Variants in TJP1 observed in about 807,000 individuals in gnomAD.
TJP1 encodes the protein tight junction protein ZO-1.
Under a neutral mutation model 194.2 loss-of-function variants are expected in TJP1, and 43 were observed. The ratio of observed to expected loss-of-function variants is 0.22; its 90% CI spans 0.17 to 0.29. The LOEUF (loss-of-function observed/expected upper bound fraction) is 0.29. Ranked by LOEUF, TJP1 falls within the 10% of genes least tolerant of loss-of-function variation. TJP1 has a pLI of 1.00. For synonymous variants in TJP1, 801 were observed against 779.0 expected (o/e 1.03, Z -0.47); for missense variants, 1,971 against 2,185.7 (o/e 0.90, Z 1.96).
At chr15:29,741,568 C>T in intron 9 of TJP1, 132 bp from the exon 10 acceptor site, 2 of 606,928 alleles carry the variant, frequency 3.3e-6, no homozygotes, top group Non-Finnish European at 5.8e-6. Context: ...TATTAGAGTA[C>T]ATTTTATAGT....
chr15:29,886,329 C>T (rs2053113747), intron 2 of TJP1, among the ~76,000 whole-genome samples: 1 of 151,824 alleles, frequency 6.6e-6, no homozygotes, highest in South Asian at 2.1e-4. Flanking sequence ...TTTTCAGATT[C>T]AGGCCAATGT....
At chr15:29,944,496 T>C (rs1031524617) in intron 2 of TJP1, among the ~76,000 whole-genome samples, 1 of 152,180 alleles carries the variant, frequency 6.6e-6, no homozygotes, top group Non-Finnish European at 1.5e-5. Flanking sequence ...TGACCCTATG[T>C]TTATAAATAC....
intron 2 of TJP1, among the ~76,000 whole-genome samples, chr15:29,795,254 G>C (rs2048331345): frequency 6.6e-6 from 1 of 151,564 alleles, no homozygotes; most frequent in African/African-American, 2.4e-5. Context: ...TGAAACACCG[G>C]CTCTACTAAA....
At chr15:29,702,858 A>G (rs2041638849) in intron 27 of TJP1, among the ~76,000 whole-genome samples, 1 of 152,186 alleles carries the variant, frequency 6.6e-6, no homozygotes, top group African/African-American at 2.4e-5. Flanking sequence ...GTACCAAACT[A>G]AAACTAAATA....
intron 1 of TJP1, among the ~76,000 whole-genome samples, chr15:29,805,207 AAG>A (rs989429969): frequency 2.8e-4 from 42 of 152,194 alleles, no homozygotes; most frequent in African/African-American, 8.7e-4. Flanking sequence ...ACAATCTGCC[AAG>A]AGTTTGTTTA....
intron 24 of TJP1, among the ~76,000 whole-genome samples, chr15:29,710,201 C>CT (rs1464561695): frequency 1.3e-5 from 2 of 151,754 alleles, no homozygotes; most frequent in East Asian, 3.9e-4. Context: ...AGAATTAAAA[C>CT]TGTCTTTATC....
chr15:29,790,379 A>G (rs1024067241), intron 2 of TJP1, among the ~76,000 whole-genome samples: 23 of 152,206 alleles, frequency 1.5e-4, no homozygotes, highest in African/African-American at 5.3e-4. Context: ...TCATTGTCCA[A>G]AGATTTTAAA....
At chr15:29,948,594 ATCCT>A (rs1223922980) in intron 2 of TJP1, among the ~76,000 whole-genome samples, 2 of 152,130 alleles carry the variant, frequency 1.3e-5, no homozygotes, top group African/African-American at 4.8e-5. Context: ...CCTGGCCTTT[ATCCT>A]TGTGGACGTG....
intron 23 of TJP1, among the ~76,000 whole-genome samples, chr15:29,714,536 CCTT>C (rs1328042320): frequency 7.3e-6 from 1 of 137,280 alleles, no homozygotes; most frequent in East Asian, 2.1e-4. Context: ...CTGCGCCCAG[CCTT>C]TTTTTTTTTT....
At chr15:29,796,379 T>A (rs1595922245) in intron 2 of TJP1, among the ~76,000 whole-genome samples, 1 of 138,962 alleles carries the variant, frequency 7.2e-6, no homozygotes, top group Non-Finnish European at 1.5e-5. Flanking sequence ...TTCTACACAG[T>A]AACAAGGAAC....
At chr15:29,881,940 TATATAG>T (rs2052947601) in intron 2 of TJP1, among the ~76,000 whole-genome samples, 1 of 150,556 alleles carries the variant, frequency 6.6e-6, no homozygotes, top group Non-Finnish European at 1.5e-5. Flanking sequence ...TAAAGATATA[TATATAG>T]ATATATATAG....
intron 2 of TJP1, among the ~76,000 whole-genome samples, chr15:29,881,555 G>C (rs1048302026): frequency 1.3e-5 from 2 of 152,102 alleles, no homozygotes; most frequent in Admixed American, 6.6e-5. Context: ...TTATTCTTTC[G>C]CCTGGTTTCC....
chr15:29,716,324 G>T (rs554931407), intron 23 of TJP1, among the ~76,000 whole-genome samples: 1 of 152,322 alleles, frequency 6.6e-6, no homozygotes, highest in African/African-American at 2.4e-5. Flanking sequence ...GTGTACAGAA[G>T]TGAAGACTGA....
intron 2 of TJP1, among the ~76,000 whole-genome samples, chr15:29,854,623 C>G (rs1349578851): frequency 2.0e-5 from 3 of 152,144 alleles, no homozygotes; most frequent in African/African-American, 4.8e-5. Flanking sequence ...GGAGTTCCAG[C>G]CTTCAAAACT....
At chr15:29,820,900 G>A (rs2050285647) in intron 1 of TJP1, among the ~76,000 whole-genome samples, 1 of 152,190 alleles carries the variant, frequency 6.6e-6, no homozygotes, top group East Asian at 1.9e-4. Flanking sequence ...CTCCCAGCCA[G>A]CAAACAAGCT....
At chr15:29,840,709 G>C (rs894141706) in intron 2 of TJP1, among the ~76,000 whole-genome samples, 1 of 152,184 alleles carries the variant, frequency 6.6e-6, no homozygotes, top group African/African-American at 2.4e-5. Flanking sequence ...TCTGGAAAGA[G>C]ACCAGCTGCT....
In TJP1 at chr15:29,700,477, C is replaced by A; in HGVS notation, c.*1118G>T. On this transcript the variant is annotated 3_prime_UTR_variant, in exon 28 of 28. Transcript: ENST00000614355. ...TTAAAAAAAATGACCTTGCATGTGT[C>A]ATAGAAACGCTGCTTTATTGCTGCA... The A allele has an allele frequency of 2.5e-6, 1 of 398,784 alleles. No homozygotes were observed. The highest frequency in any genetic ancestry group is 1.3e-4 in the South Asian group (1 of 7,810). 24.7% of individuals were successfully genotyped at this position (398,784 alleles called of 1,614,324 possible). A position where few individuals can be genotyped will look rare whatever the true frequency, so the allele number is the denominator to read the frequency against.
At chr15:29,924,958 C>T (rs371313715) in intron 2 of TJP1, among the ~76,000 whole-genome samples, 1 of 152,216 alleles carries the variant, frequency 6.6e-6, no homozygotes, top group African/African-American at 2.4e-5. Flanking sequence ...GGCAGGAAGT[C>T]TCCCAGAATG....
At chr15:29,731,557 G>A (rs899005189) in intron 15 of TJP1, among the ~76,000 whole-genome samples, 6 of 152,180 alleles carry the variant, frequency 3.9e-5, no homozygotes, top group African/African-American at 1.4e-4. Flanking sequence ...GGGTTGGCTT[G>A]TGAAAAGTTG....
Sources: gnomAD v4.1 joint callset for allele counts (sites outside exome capture counted in the v4.1 genomes callset) on GRCh38, gnomAD v4.1.1 for gene constraint, MANE v1.5 for transcripts, NCBI Gene and HGNC (gene_info 2026-07-23, HGNC 2026-07-21) for gene names.